Variants in TNFRSF1B observed in about 807,000 individuals in gnomAD.
TNFRSF1B encodes the protein tumor necrosis factor receptor superfamily member 1B.
In TNFRSF1B, 19 loss-of-function variants were observed where a neutral mutation model predicts 44.6. That is an observed-to-expected ratio of 0.43 (90% CI 0.30 to 0.62). The LOEUF (loss-of-function observed/expected upper bound fraction) is 0.62, where lower values mean the gene tolerates loss of function less well. TNFRSF1B is among the 20% of genes least tolerant of loss of function. The pLI, the probability that TNFRSF1B is intolerant of heterozygous loss-of-function variation, is 0.16. For missense variants in TNFRSF1B, 541 were observed against 619.9 expected, an observed-to-expected ratio of 0.87 and a Z score of 1.35; for synonymous variants, 252 against 261.1, an observed-to-expected ratio of 0.97 and a Z score of 0.34.
At chr1:12,198,505 T>G (rs989440604) in intron 8 of TNFRSF1B, among the ~76,000 whole-genome samples, 12 of 152,102 alleles carry the variant, frequency 7.9e-5, no homozygotes, top group Non-Finnish European at 1.8e-4. Context: ...GTGTGCACGC[T>G]TCACACCCTC....
chr1:12,205,889 A>G (rs1309881604), intron 9 of TNFRSF1B, among the ~76,000 whole-genome samples: 1 of 152,026 alleles, frequency 6.6e-6, no homozygotes, highest in Non-Finnish European at 1.5e-5. Flanking sequence ...TGGCCTCCCA[A>G]AGTGCTGGGA....
rs113266579 is a variant in TNFRSF1B, at chr1:12,205,722, A to G, written c.1106-1018A>G. On this transcript the variant is annotated intron_variant, in intron 9 of 9. Coordinates refer to ENST00000376259, the MANE Select transcript of TNFRSF1B (RefSeq NM_001066.3). The stretch of plus-strand genomic sequence containing the variant: ...CTGCAACCTCCGTAGCCTGGGTTCA[A>G]GCTATTCTCCTGCCTCAGCCTCCCG... Among the ~76,000 whole-genome samples the G allele has an allele frequency of 5.9e-5, 9 of 152,232 alleles. 1 individual carries two copies. Among genetic ancestry groups the G allele is most frequent in the Admixed American group, 2.0e-4 (3 of 15,298 alleles).
chr1:12,192,463 T>C lies in TNFRSF1B; in HGVS notation c.490T>C (p.Cys164Arg). The C allele has an allele frequency of 1.2e-6, 2 of 1,614,168 alleles. No homozygotes were observed. Among genetic ancestry groups the C allele is most frequent in the Non-Finnish European group, 1.7e-6 (2 of 1,180,022 alleles). Residue 164 changes from cysteine to arginine, a missense_variant, in exon 5 of 10, where the codon TGT (cysteine) becomes CGT (arginine). Coordinates refer to ENST00000376259, the MANE Select transcript of TNFRSF1B (RefSeq NM_001066.3). ...TETSDVVCKP[C>R]APGTFSNTTS... ...AACATCAGACGTGGTGTGCAAGCCC[T>C]GTGCCCCGGGGACGTTCTCCAACAC... is the stretch of plus-strand genomic sequence containing the variant.
chr1:12,196,029 G>A (rs373676688), intron 8 of TNFRSF1B, among the ~76,000 whole-genome samples: 1 of 152,090 alleles, frequency 6.6e-6, no homozygotes, highest in Non-Finnish European at 1.5e-5. Context: ...GGCTGGGCAC[G>A]GTGGCTCACT....
In TNFRSF1B at chr1:12,199,798, T is replaced by C. The variant is rs1639348517; in HGVS notation, c.901-2169T>C. Among the ~76,000 whole-genome samples the C allele has an allele frequency of 6.6e-6, 1 of 152,226 alleles. No homozygotes were observed. The highest frequency in any genetic ancestry group is 2.4e-5 in the African/African-American group (1 of 41,458). On this transcript the variant is annotated intron_variant, in intron 8 of 9. Coordinates refer to ENST00000376259, the MANE Select transcript of TNFRSF1B (RefSeq NM_001066.3). The surrounding 1 kb of genome is among the most constrained non-coding windows in gnomAD (Gnocchi z 4.0). ...GCCCCATCAGCCCTTCACTCATCTC[T>C]ACCCTCCTTCTTTCTGCCTGGGACA...
chr1:12,196,988 C>T (rs1639281059), intron 8 of TNFRSF1B, among the ~76,000 whole-genome samples: 1 of 151,236 alleles, frequency 6.6e-6, no homozygotes, highest in Admixed American at 6.6e-5. Flanking sequence ...AGCTATGTCG[C>T]CCAGGCTGCA....
At position 12,186,380 on chromosome 1, in the gene TNFRSF1B, T is replaced by A. The variant is rs1380726119; in HGVS notation, c.79-2416T>A. ...CACCTGCTACGTTGGCTGGTGGAAA[T>A]TTGGCCAGGTCTGCACTGGCCCAGC... On this transcript the variant is annotated intron_variant, in intron 1 of 9. Transcript: ENST00000376259. The surrounding 1 kb of genome is among the most constrained non-coding windows in gnomAD (Gnocchi z 4.8). 6.6e-6 allele frequency among the ~76,000 whole-genome samples: 1 copy of A among 152,172 alleles called. No individual in the cohort carries two copies. The highest frequency in any genetic ancestry group is 1.5e-5 in the Non-Finnish European group (1 of 68,020).
At chr1:12,170,530 C>T (rs529405742) in intron 1 of TNFRSF1B, among the ~76,000 whole-genome samples, 7 of 152,348 alleles carry the variant, frequency 4.6e-5, no homozygotes, top group African/African-American at 1.7e-4. Flanking sequence ...TCCCTCCCCA[C>T]GGCTGGGTGA....
At position 12,207,194 on chromosome 1, in the gene TNFRSF1B, G is replaced by C. The variant is rs1168619755; in HGVS notation, c.*174G>C. 5 of 607,296 alleles carry C rather than the reference G, an allele frequency of 8.2e-6. No individual in the cohort carries two copies. Among genetic ancestry groups the C allele is most frequent in the Admixed American group, 3.5e-5 (1 of 28,628 alleles). The allele number at this position is 607,296 out of a possible 1,614,324, so 37.6% of individuals were successfully genotyped here. On this transcript the variant is annotated 3_prime_UTR_variant, in exon 10 of 10. Coordinates refer to ENST00000376259, the MANE Select transcript of TNFRSF1B (RefSeq NM_001066.3). ...AGCCTCCCTCTGACCTGCAGGCCAAGAGCAGAGGCAGCGAGTTGTGGAAAG... is the reference window on the plus strand; with the variant it reads ...AGCCTCCCTCTGACCTGCAGGCCAACAGCAGAGGCAGCGAGTTGTGGAAAG...
At chr1:12,192,213 C>T in intron 4 of TNFRSF1B, 1 of 711,536 alleles carries the variant, frequency 1.4e-6, no homozygotes. Context: ...TCACATAACT[C>T]TACAGCCCAA....
At chr1:12,185,873 T>C (rs1196983699) in intron 1 of TNFRSF1B, among the ~76,000 whole-genome samples, 1 of 152,092 alleles carries the variant, frequency 6.6e-6, no homozygotes, top group East Asian at 1.9e-4. Flanking sequence ...GGGCTTCCCA[T>C]CTAGCGAGGG....
chr1:12,189,324 G>A (rs1353282403), intron 2 of TNFRSF1B, among the ~76,000 whole-genome samples: 1 of 152,236 alleles, frequency 6.6e-6, no homozygotes, highest in Non-Finnish European at 1.5e-5. Context: ...TTTCCTTGCT[G>A]TGGGATTATA....
Position 12,202,153 on chromosome 1 carries a change from G to T in TNFRSF1B, c.1087G>T (p.Ala363Ser), listed in dbSNP as rs978337134. Residue 363 changes from alanine to serine, a missense_variant, in exon 9 of 10, where the codon GCC (alanine) becomes TCC (serine). Transcript: ENST00000376259. ...VEASGAGEAR[A>S]STGSSDSSPG... ...GGCCAGTGGGGCCGGGGAGGCCCGG[G>T]CCAGCACCGGGAGCTCAGGTAAGAG... is the stretch of plus-strand genomic sequence containing the variant. 1 of 1,550,568 alleles carries T rather than the reference G, an allele frequency of 6.4e-7. No homozygotes were observed. The highest frequency in any genetic ancestry group is 8.7e-7 in the Non-Finnish European group (1 of 1,148,540).
chr1:12,175,370 G>A (rs928064388), intron 1 of TNFRSF1B, among the ~76,000 whole-genome samples: 1 of 152,214 alleles, frequency 6.6e-6, no homozygotes, highest in Non-Finnish European at 1.5e-5. Context: ...TGGGCAGGGG[G>A]TGGAGTGCAG....
rs1386676335 is a variant in TNFRSF1B at position 12,177,810 on chromosome 1, AG to A, written c.78+10642del. Among the ~76,000 whole-genome samples, 1 of 150,850 alleles carries A rather than the reference AG, an allele frequency of 6.6e-6. No homozygotes were observed. Among genetic ancestry groups the A allele is most frequent in the Non-Finnish European group, 1.5e-5 (1 of 67,782 alleles). On this transcript the variant is annotated intron_variant, in intron 1 of 9. Coordinates refer to ENST00000376259, the MANE Select transcript of TNFRSF1B (RefSeq NM_001066.3). This position sits in a 1 kb window ranked among gnomAD's most constrained non-coding sequence, Gnocchi z 4.3. ...TTCTGTCTCCAAAAAAAAAAAAAAA[AG>A]AAGAGCTGACATTTAGCGGGTGCTT... is the stretch of plus-strand genomic sequence containing the variant.
intron 2 of TNFRSF1B, among the ~76,000 whole-genome samples, chr1:12,189,172 C>T (rs5746006): frequency 3.3e-5 from 5 of 152,246 alleles, no homozygotes; most frequent in East Asian, 1.9e-4. Context: ...ACTGCCCAGC[C>T]GGTGGAGGAG....
rs899528802 is a variant in TNFRSF1B, at chr1:12,178,698, C to T, written c.79-10098C>T. ...CCAGGTCGGGGGTGGCGGGTCAGGA[C>T]GTTTGGGCAGAGGCAGCAGCAGTAC... On this transcript the variant is annotated intron_variant, in intron 1 of 9. Coordinates refer to ENST00000376259, the MANE Select transcript of TNFRSF1B (RefSeq NM_001066.3). The surrounding 1 kb of genome is among the most constrained non-coding windows in gnomAD (Gnocchi z 4.3). Among the ~76,000 whole-genome samples, 10 of 151,996 alleles carry T rather than the reference C, an allele frequency of 6.6e-5. No individual in the cohort carries two copies. The highest frequency in any genetic ancestry group is 1.5e-4 in the African/African-American group (6 of 41,372).
chr1:12,204,814 CCAA>C (rs1460805196), intron 9 of TNFRSF1B, among the ~76,000 whole-genome samples: 1 of 150,128 alleles, frequency 6.7e-6, no homozygotes, highest in Non-Finnish European at 1.5e-5. Flanking sequence ...ACCACCACCA[CCAA>C]CAAAAAAACC....
At position 12,183,768 on chromosome 1, in the gene TNFRSF1B, G is replaced by GCTAT. The variant is rs1553163467; in HGVS notation, c.79-5023_79-5020dup. ...ATCTATCTAGCTAGCTAGCTAGCTA[G>GCTAT]CTATCTATTCTATCTACCTACCTAT... On this transcript the variant is annotated intron_variant, in intron 1 of 9. Coordinates refer to ENST00000376259, the MANE Select transcript of TNFRSF1B (RefSeq NM_001066.3). 2.6e-4 allele frequency among the ~76,000 whole-genome samples: 30 copies of GCTAT among 117,518 alleles called. 2 individuals are homozygous for GCTAT. The highest frequency in any genetic ancestry group is 8.8e-4 in the African/African-American group (27 of 30,816). The allele number at this position is 117,518 out of a possible 152,430, so 77.1% of individuals were successfully genotyped here.
Sources: gnomAD v4.1 joint callset for allele counts (sites outside exome capture counted in the v4.1 genomes callset) on GRCh38, gnomAD v4.1.1 for gene constraint, Gnocchi (gnomAD v3.1) non-coding constraint, MANE v1.5 for transcripts, NCBI Gene and HGNC (gene_info 2026-07-23, HGNC 2026-07-21) for gene names.